Variants in ABCB11 observed in about 807,000 individuals in gnomAD.
The protein encoded by ABCB11 is ATP binding cassette subfamily B member 11.
A neutral mutation model predicts 148.0 loss-of-function variants in ABCB11; 95 were observed. The ratio of observed to expected loss-of-function variants is 0.64; its 90% confidence interval spans 0.54 to 0.76. ABCB11 has a LOEUF of 0.76. ABCB11 is among the 30% of genes least tolerant of loss of function. The pLI is 0.00. For synonymous variants in ABCB11, 591 were observed against 555.4 expected, an observed-to-expected ratio of 1.06 and a Z score of -0.90; for missense variants, 1,523 against 1,617.8, an observed-to-expected ratio of 0.94 and a Z score of 1.01.
chr2:168,930,923 C>A (rs1229777011), intron 24 of ABCB11, 61 bp from the exon 25 acceptor site: 1 of 1,426,318 alleles, frequency 7.0e-7, no homozygotes, highest in Non-Finnish European at 9.5e-7. Context: ...ATTGAAAACA[C>A]ACCTAAATCT....
chr2:168,976,430 A>G, intron 12 of ABCB11, 147 bp downstream of exon 12: 1 of 504,138 alleles, frequency 2.0e-6, no homozygotes, highest in South Asian at 3.3e-5. Context: ...ATAAGCCAAC[A>G]CCCGAGGATA....
rs773088249 is a variant in ABCB11, at chr2:168,993,826, C to A, written c.668G>T (p.Arg223Leu). Residue 223 changes from arginine to leucine, a missense_variant, in exon 8 of 28, where the codon CGC (arginine) becomes CTC (leucine). Coordinates refer to ENST00000650372, the MANE Select transcript of ABCB11 (RefSeq NM_003742.4). ...GAAACCACAGATGGTCGAGGTCATG[C>A]GCTGAATGAAAAGGGCCATTTGGTC... ...IADQMALFIQRMTSTICGFLL... is the reference protein window; with the variant it reads ...IADQMALFIQLMTSTICGFLL... 1.9e-6 allele frequency: 3 copies of A among 1,611,218 alleles called. No individual in the cohort carries two copies. The highest frequency in any genetic ancestry group is 2.5e-6 in the Non-Finnish European group (3 of 1,178,446).
rs754545100 is a variant in ABCB11 at position 168,972,003 on chromosome 2, A to T, written c.1482T>A (p.Leu494=). The T allele has an allele frequency of 3.1e-6, 5 of 1,612,950 alleles. No homozygotes were observed. Among genetic ancestry groups the T allele is most frequent in the Non-Finnish European group, 4.2e-6 (5 of 1,179,354 alleles). The change falls in exon 14 of 28, where the codon CTT becomes CTA. Residue 494 remains leucine (L), a synonymous_variant. Coordinates refer to ENST00000650372, the MANE Select transcript of ABCB11 (RefSeq NM_003742.4). Reference sequence around the variant, plus strand: ...GCTCCACTATCCCAATCTGATCTCTAAGCCACTGAATGTTAAGAGAGCGAA... The same window carrying T: ...GCTCCACTATCCCAATCTGATCTCTTAGCCACTGAATGTTAAGAGAGCGAA... ...HDIRSLNIQW[L]RDQIGIVEQE...
At chr2:168,971,707 C>T in intron 14 of ABCB11, 140 bp downstream of exon 14, 2 of 744,704 alleles carry the variant, frequency 2.7e-6, no homozygotes, top group Non-Finnish European at 4.5e-6. Flanking sequence ...ACTCATGGTA[C>T]TTTTTCAGGC....
intron 5 of ABCB11, among the ~76,000 whole-genome samples, chr2:169,007,704 G>T: frequency 6.6e-6 from 1 of 151,300 alleles, no homozygotes. Flanking sequence ...GTGGTTCAAA[G>T]GTAATTATCA....
intron 21 of ABCB11, among the ~76,000 whole-genome samples, chr2:168,937,034 G>A (rs948844828): frequency 6.6e-6 from 1 of 152,042 alleles, no homozygotes; most frequent in African/African-American, 2.4e-5. Context: ...GACCACAGAT[G>A]CATGCCACTA....
chr2:168,994,552 G>A (rs963769250), intron 7 of ABCB11, among the ~76,000 whole-genome samples: 5 of 152,084 alleles, frequency 3.3e-5, no homozygotes, highest in South Asian at 2.1e-4. Context: ...TTAAAGTAGC[G>A]AATATATGTA....
At chr2:168,995,975 T>TAA (rs3083997) in intron 6 of ABCB11, among the ~76,000 whole-genome samples, 29,962 of 62,948 alleles carry the variant, frequency 0.48, 7,610 homozygotes, top group Non-Finnish European at 0.52. Flanking sequence ...TTTCCCTAAC[T>TAA]AAAAAAAAAA....
At chr2:168,938,651 C>T (rs1691932224) in intron 21 of ABCB11, among the ~76,000 whole-genome samples, 1 of 152,070 alleles carries the variant, frequency 6.6e-6, no homozygotes, top group Non-Finnish European at 1.5e-5. Flanking sequence ...TTCAGCTGTA[C>T]ACTTAAAGAT....
intron 19 of ABCB11, among the ~76,000 whole-genome samples, chr2:168,956,750 T>C (rs1433866517): frequency 1.3e-5 from 2 of 151,738 alleles, no homozygotes; most frequent in Admixed American, 1.3e-4. Context: ...CCTGTGTGAT[T>C]CTGTGTGGGT....
intron 10 of ABCB11, among the ~76,000 whole-genome samples, chr2:168,980,645 G>A (rs1694103446): frequency 1.3e-5 from 2 of 152,180 alleles, no homozygotes; most frequent in African/African-American, 4.8e-5. Flanking sequence ...AAGTAGTAGA[G>A]CAGAATTTGA....
At chr2:168,963,970 C>T (rs535213505) in intron 18 of ABCB11, among the ~76,000 whole-genome samples, 20 of 151,856 alleles carry the variant, frequency 1.3e-4, no homozygotes, top group African/African-American at 3.1e-4. Flanking sequence ...ATTAACCCTC[C>T]GAAGTCCAGT....
intron 12 of ABCB11, among the ~76,000 whole-genome samples, chr2:168,975,973 T>A (rs545669779): frequency 6.6e-6 from 1 of 152,072 alleles, no homozygotes; most frequent in East Asian, 1.9e-4. Flanking sequence ...TCAGGGGTAG[T>A]AGATCCTAAT....
At chr2:168,982,620 A>G (rs114394508) in intron 10 of ABCB11, among the ~76,000 whole-genome samples, 1,686 of 152,176 alleles carry the variant, frequency 0.011, 37 homozygotes, top group African/African-American at 0.039. Context: ...TTTATGCCCA[A>G]TTACCATGCA....
intron 18 of ABCB11, among the ~76,000 whole-genome samples, chr2:168,959,908 C>T (rs560923995): frequency 1.2e-4 from 14 of 120,056 alleles, no homozygotes; most frequent in African/African-American, 4.3e-4. Context: ...TCAGGGTACT[C>T]GTGTGACAGA....
At chr2:168,973,439 A>G (rs1002889748) in intron 13 of ABCB11, among the ~76,000 whole-genome samples, 1 of 152,068 alleles carries the variant, frequency 6.6e-6, no homozygotes, top group Non-Finnish European at 1.5e-5. Flanking sequence ...AACCACCATC[A>G]TATATGAAAT....
At chr2:168,917,756 T>C (rs761343534), downstream of ABCB11, among the ~76,000 whole-genome samples, 15 of 152,198 alleles carry the variant, frequency 9.9e-5, no homozygotes, top group Non-Finnish European at 1.9e-4. Flanking sequence ...AAGACTAGAA[T>C]TGTAGAGACA....
intron 27 of ABCB11, among the ~76,000 whole-genome samples, 166 bp downstream of exon 27, chr2:168,924,491 A>G (rs770476182): frequency 5.3e-5 from 8 of 152,254 alleles, no homozygotes; most frequent in Non-Finnish European, 1.0e-4. Context: ...GCAATCTTAT[A>G]TTAAATCACT....
chr2:168,922,031 A>C lies in ABCB11; in HGVS notation c.*1591T>G, dbSNP rs1691094073. 6.6e-6 allele frequency among the ~76,000 whole-genome samples: 1 copy of C among 151,592 alleles called. No homozygotes were observed. Among genetic ancestry groups the C allele is most frequent in the African/African-American group, 2.4e-5 (1 of 41,250 alleles). Reference sequence around the variant, plus strand: ...GCCCGGCTAATTTTTTTGTATTTTTAGTAGAGACGGGGTTTCACCATGTTA... The same window carrying C: ...GCCCGGCTAATTTTTTTGTATTTTTCGTAGAGACGGGGTTTCACCATGTTA... On this transcript the variant is annotated 3_prime_UTR_variant, in exon 28 of 28. Coordinates refer to ENST00000650372, the MANE Select transcript of ABCB11 (RefSeq NM_003742.4).
Sources: gnomAD v4.1 joint callset for allele counts (sites outside exome capture counted in the v4.1 genomes callset) on GRCh38, gnomAD v4.1.1 for gene constraint, MANE v1.5 for transcripts, NCBI Gene and HGNC (gene_info 2026-07-23, HGNC 2026-07-21) for gene names.